The following ARHGEF11 variants were observed in gnomAD, a reference collection of about 807,000 sequenced individuals.
The protein encoded by ARHGEF11 is Rho guanine exchange factor (GEF) 11.
In ARHGEF11, 55 loss-of-function variants were observed where a neutral mutation model predicts 193.7. That is an observed-to-expected ratio of 0.28 (90% CI 0.23 to 0.36). The LOEUF (loss-of-function observed/expected upper bound fraction) is 0.36. Ranked by LOEUF, ARHGEF11 falls within the 10% of genes least tolerant of loss-of-function variation. ARHGEF11 has a pLI of 1.00. For synonymous variants in ARHGEF11, 693 were observed against 768.0 expected, an observed-to-expected ratio of 0.90 and a Z score of 1.62; for missense variants, 1,723 against 2,005.6, an observed-to-expected ratio of 0.86 and a Z score of 2.69.
At position 157,045,272 on chromosome 1, in the gene ARHGEF11, G is replaced by A. The variant is rs1305217633; in HGVS notation, c.-942C>T. ...CCCAGCCTACGTTCGGCCTTTTTCT[G>A]AAAGACAATTTCCTGAGTTAGTTCT... On this transcript the variant is annotated 5_prime_UTR_variant, in exon 1 of 41. The change creates a premature stop within an existing upstream ORF in the 5' untranslated region. Coordinates refer to ENST00000368194, the MANE Select transcript of ARHGEF11 (RefSeq NM_198236.3). 1 of 152,074 alleles carries A rather than the reference G, an allele frequency of 6.6e-6. No individual in the cohort carries two copies. The highest frequency in any genetic ancestry group is 1.9e-4 in the East Asian group (1 of 5,182). 9.4% of individuals were successfully genotyped at this position (152,074 alleles called of 1,614,324 possible).
upstream of ARHGEF11, among the ~76,000 whole-genome samples, chr1:157,046,231 GCCGCCACCGCCA>G (rs766191450): frequency 7.0e-4 from 101 of 144,044 alleles, no homozygotes; most frequent in African/African-American, 2.4e-3. Context: ...CGTCCCCGCC[GCCGCCACCGCCA>G]CCGCCACCCC....
At chr1:156,944,280 T>C (rs1657672170) in intron 31 of ARHGEF11, 78 bp downstream of exon 31, 1 of 1,518,286 alleles carries the variant, frequency 6.6e-7, no homozygotes, top group South Asian at 1.2e-5. Flanking sequence ...CATGTTTCCA[T>C]GCTTGGGAAA....
At chr1:157,034,221 G>C (rs940504212) in intron 1 of ARHGEF11, among the ~76,000 whole-genome samples, 3 of 152,088 alleles carry the variant, frequency 2.0e-5, no homozygotes, top group African/African-American at 7.2e-5. Flanking sequence ...ACTCTCTCCA[G>C]CCACCTCCCC....
intron 1 of ARHGEF11, among the ~76,000 whole-genome samples, chr1:156,995,106 C>A (rs1277205949): frequency 6.6e-6 from 1 of 152,232 alleles, no homozygotes; most frequent in Non-Finnish European, 1.5e-5. Flanking sequence ...CTCCCCCTCT[C>A]TGCCACCACG....
At position 156,948,403 on chromosome 1, in the gene ARHGEF11, C is replaced by T. The variant is rs764499218; in HGVS notation, c.2021G>A (p.Arg674His). The T allele has an allele frequency of 5.0e-6, 8 of 1,614,094 alleles. No individual in the cohort carries two copies. Among genetic ancestry groups the T allele is most frequent in the African/African-American group, 2.7e-5 (2 of 74,922 alleles). Reference protein sequence around the residue: ...SRKAENVPRSRSDVDMDAAAE... With the variant: ...SRKAENVPRSHSDVDMDAAAE... Reference sequence around the variant, plus strand: ...AGCAGCATCCATGTCAACATCACTGCGAGAGCGGGGCACGTTCTCTGCCTT... The same window carrying T: ...AGCAGCATCCATGTCAACATCACTGTGAGAGCGGGGCACGTTCTCTGCCTT... The change falls in exon 23 of 41, where the codon CGC (arginine) becomes CAC (histidine). Residue 674 changes from arginine to histidine, a missense_variant. Coordinates refer to ENST00000368194, the MANE Select transcript of ARHGEF11 (RefSeq NM_198236.3). The surrounding 1 kb of genome is among the most constrained non-coding windows in gnomAD (Gnocchi z 4.2).
intron 7 of ARHGEF11, 31 bp from the exon 8 acceptor site, chr1:156,971,847 G>A: frequency 1.9e-6 from 3 of 1,600,210 alleles, no homozygotes; most frequent in Non-Finnish European, 2.6e-6. Context: ...GAAGGGGGAG[G>A]GGAAAAGGCA....
intron 34 of ARHGEF11, 54 bp downstream of exon 34, chr1:156,941,810 A>C: frequency 6.5e-7 from 1 of 1,547,852 alleles, no homozygotes; most frequent in Non-Finnish European, 8.7e-7. Flanking sequence ...AGCAGCAGGA[A>C]ACAGGAGGTT....
chr1:156,941,791 G>C, intron 34 of ARHGEF11, 73 bp downstream of exon 34: 1 of 1,527,664 alleles, frequency 6.5e-7, no homozygotes, highest in Non-Finnish European at 8.8e-7. Flanking sequence ...CGGGGGCGAA[G>C]GGCTTAAAAG....
chr1:156,944,454 AT>A (rs1557830674), intron 30 of ARHGEF11, 21 bp from the exon 31 acceptor site: 1 of 961,362 alleles, frequency 1.0e-6, no homozygotes, highest in Non-Finnish European at 1.4e-6. Context: ...GACACCATTC[AT>A]TCATTCATTC....
intron 1 of ARHGEF11, among the ~76,000 whole-genome samples, chr1:157,041,722 A>T (rs897163751): frequency 2.0e-5 from 3 of 152,240 alleles, no homozygotes; most frequent in African/African-American, 7.2e-5. Flanking sequence ...CTCATGCAAG[A>T]CACTAAGCTA....
chr1:157,014,033 T>C (rs567159501), intron 1 of ARHGEF11, among the ~76,000 whole-genome samples: 16 of 152,334 alleles, frequency 1.1e-4, no homozygotes, highest in African/African-American at 3.8e-4. Flanking sequence ...TGCTGTGTGA[T>C]CTAACATGCA....
At chr1:156,945,333 T>G (rs1447822901) in intron 29 of ARHGEF11, 136 bp from the exon 30 acceptor site, 18 of 906,654 alleles carry the variant, frequency 2.0e-5, no homozygotes, top group Non-Finnish European at 2.8e-5. Context: ...GGAGCCACCC[T>G]TGCCTCACAT....
At position 156,958,858 on chromosome 1, in the gene ARHGEF11, C is replaced by T. The variant is rs1202306450; in HGVS notation, c.1386G>A (p.Lys462=). 2 of 1,614,230 alleles carry T rather than the reference C, an allele frequency of 1.2e-6. No homozygotes were observed. The highest frequency in any genetic ancestry group is 1.7e-5 in the Admixed American group (1 of 60,034). Residue 462 remains lysine, a synonymous_variant, in exon 17 of 41, where the codon AAG becomes AAA. Transcript: ENST00000368194. ...IQEQIHDYRT[K]RTLGLGSLYG... is the part of the protein sequence containing the mutation. The stretch of plus-strand genomic sequence containing the variant: ...ACAGGCTGCCCAGCCCCAGTGTGCG[C>T]TTCGTTCTAAGCCAGATAAACACAG...
intron 1 of ARHGEF11, among the ~76,000 whole-genome samples, chr1:156,995,426 C>T (rs1666339892): frequency 6.6e-6 from 1 of 152,170 alleles, no homozygotes; most frequent in Admixed American, 6.5e-5. Flanking sequence ...CATTCCTCAG[C>T]GTTCAGCTTA....
chr1:157,036,152 C>A (rs566648942), intron 1 of ARHGEF11, among the ~76,000 whole-genome samples: 1 of 138,872 alleles, frequency 7.2e-6, no homozygotes, highest in Non-Finnish European at 1.5e-5. Context: ...TATATGAATA[C>A]ATATATGAAT....
intron 21 of ARHGEF11, among the ~76,000 whole-genome samples, chr1:156,953,030 G>A (rs1659350393): frequency 6.6e-6 from 1 of 152,236 alleles, no homozygotes; most frequent in Non-Finnish European, 1.5e-5. Context: ...CACAATTAAT[G>A]TTCTAGATAG....
At chr1:156,994,868 G>A (rs560033540) in intron 1 of ARHGEF11, among the ~76,000 whole-genome samples, 2 of 151,874 alleles carry the variant, frequency 1.3e-5, no homozygotes, top group South Asian at 2.1e-4. Context: ...GGGTAATTGC[G>A]AGGACCAAAT....
Position 156,971,711 on chromosome 1 carries a change from T to A in ARHGEF11, c.688A>T (p.Thr230Ser). 2 of 1,613,882 alleles carry A rather than the reference T, an allele frequency of 1.2e-6. No homozygotes were observed. Among genetic ancestry groups the A allele is most frequent in the Non-Finnish European group, 1.7e-6 (2 of 1,179,964 alleles). The part of the protein sequence containing the change: ...TQLQLKIQQE[T>S]GGSVDILPLY... ...ACATCACTCACCACTGAGCCACCAG[T>A]CTCCTGCTGGATCTTCAGCTGTAAC... Residue 230 changes from threonine to serine, a missense_variant, in exon 8 of 41, where the codon ACT becomes TCT. Around this residue, in one of 5 missense-constraint regions of ARHGEF11, gnomAD observed 646 missense variants for 710.7 expected, o/e 0.91. Coordinates refer to ENST00000368194, the MANE Select transcript of ARHGEF11 (RefSeq NM_198236.3).
intron 1 of ARHGEF11, among the ~76,000 whole-genome samples, chr1:157,027,666 T>C (rs1015205758): frequency 6.6e-6 from 1 of 152,124 alleles, no homozygotes; most frequent in Non-Finnish European, 1.5e-5. Context: ...ACTGCAACAG[T>C]AGTTCCCATC....
Sources: gnomAD v4.1 joint callset for allele counts (sites outside exome capture counted in the v4.1 genomes callset) on GRCh38, gnomAD v4.1.1 for gene constraint, gnomAD v4.1.1 regional missense constraint, Gnocchi (gnomAD v3.1) non-coding constraint, MANE v1.5 for transcripts, NCBI Gene and HGNC (gene_info 2026-07-23, HGNC 2026-07-21) for gene names.